BICC1: variants seen among roughly 807,000 people sequenced by gnomAD.
BICC1 encodes BicC family RNA binding protein 1, also known as protein bicaudal C homolog 1.
A neutral mutation model predicts 111.0 loss-of-function variants in BICC1; 43 were observed. The observed-to-expected ratio is 0.39, with a 90% confidence interval of 0.30 to 0.50. BICC1 has a LOEUF of 0.50. Among genes scored for constraint, BICC1 ranks in the 20% least tolerant of loss-of-function variants. The probability of loss-of-function intolerance (pLI) is 0.88; values close to 1 mark genes in which losing one functional copy is unlikely to be tolerated. For missense variants in BICC1, 1,091 were observed against 1,203.2 expected, an observed-to-expected ratio of 0.91 and a Z score of 1.38; for synonymous variants, 467 against 434.4, an observed-to-expected ratio of 1.07 and a Z score of -0.93.
chr10:58,694,214 G>A (rs555902838), intron 2 of BICC1, among the ~76,000 whole-genome samples: 13 of 152,012 alleles, frequency 8.6e-5, no homozygotes, highest in Non-Finnish European at 1.6e-4. Context: ...CACCTTTGTT[G>A]GTCAGTTTCC....
rs1029682588 is a variant in BICC1 at position 58,512,964 on chromosome 10, C to T, written c.-180C>T. Reference sequence around the variant, plus strand: ...GGTGGCGGGTGGCGTGGGCGGCGCCCGGGGCTGGGATGCGCCGGGGGCTCA... The same window carrying T: ...GGTGGCGGGTGGCGTGGGCGGCGCCTGGGGCTGGGATGCGCCGGGGGCTCA... On this transcript the variant is annotated 5_prime_UTR_variant, in exon 1 of 21. Transcript: ENST00000373886. Among the ~76,000 whole-genome samples the T allele has an allele frequency of 4.7e-4, 69 of 147,424 alleles. No homozygotes were observed. The highest frequency in any genetic ancestry group is 1.3e-4 in the Admixed American group (2 of 14,868).
intron 1 of BICC1, among the ~76,000 whole-genome samples, chr10:58,584,327 C>T (rs948723829): frequency 1.3e-5 from 2 of 152,010 alleles, no homozygotes; most frequent in African/African-American, 4.8e-5. Context: ...GTAACCATAC[C>T]CTGTGTTCTG....
chr10:58,662,512 G>A (rs542947561), intron 2 of BICC1, among the ~76,000 whole-genome samples: 1 of 152,246 alleles, frequency 6.6e-6, no homozygotes, highest in Non-Finnish European at 1.5e-5. Flanking sequence ...TTTACAAGAT[G>A]AGTAACACAA....
intron 2 of BICC1, among the ~76,000 whole-genome samples, chr10:58,663,696 G>A (rs993589967): frequency 2.0e-5 from 3 of 152,194 alleles, no homozygotes; most frequent in African/African-American, 7.2e-5. Flanking sequence ...CTGATGATCT[G>A]CGGTGGGACA....
chr10:58,573,977 A>G (rs1044683863), intron 1 of BICC1, among the ~76,000 whole-genome samples: 14 of 152,144 alleles, frequency 9.2e-5, no homozygotes, highest in African/African-American at 2.7e-4. Context: ...AATTTTTAGC[A>G]TCCATTTTGC....
intron 2 of BICC1, among the ~76,000 whole-genome samples, chr10:58,643,489 A>T (rs1161149310): frequency 6.6e-6 from 1 of 152,238 alleles, no homozygotes; most frequent in Non-Finnish European, 1.5e-5. Flanking sequence ...GCTAGGTTGA[A>T]TGATAGAATT....
Position 58,800,169 on chromosome 10 carries a change from A to T in BICC1, c.1726-25A>T, listed in dbSNP as rs1294071888. The T allele has an allele frequency of 5.9e-6, 9 of 1,529,506 alleles. No homozygotes were observed. In the South Asian group the frequency reaches 9.4e-5, roughly 16 times the overall value. 94.7% of individuals were successfully genotyped at this position (1,529,506 alleles called of 1,614,324 possible). On this transcript the variant is annotated intron_variant, in intron 12 of 20. Coordinates refer to ENST00000373886, the MANE Select transcript of BICC1 (RefSeq NM_001080512.3). Reference sequence around the variant, plus strand: ...TCTGTAAAATTGTGACCATATTTATACATTATTTTCTATTATTATTTTAGT... The same window carrying T: ...TCTGTAAAATTGTGACCATATTTATTCATTATTTTCTATTATTATTTTAGT...
intron 15 of BICC1, among the ~76,000 whole-genome samples, chr10:58,805,360 T>G (rs16912616): frequency 0.012 from 1,898 of 152,256 alleles, 45 homozygotes; most frequent in African/African-American, 0.043. Flanking sequence ...TTTGATTAGT[T>G]GTTGTATTCT....
At chr10:58,770,241 A>G (rs1474070321) in intron 3 of BICC1, among the ~76,000 whole-genome samples, 1 of 152,058 alleles carries the variant, frequency 6.6e-6, no homozygotes, top group Non-Finnish European at 1.5e-5. Context: ...TTGATTTTTC[A>G]GGTTTTAGAA....
chr10:58,606,216 A>G (rs968142303), intron 1 of BICC1, among the ~76,000 whole-genome samples: 3 of 152,162 alleles, frequency 2.0e-5, no homozygotes, highest in Non-Finnish European at 4.4e-5. Context: ...AGTTAATTAT[A>G]TAAGGGAAAG....
At position 58,574,267 on chromosome 10, in the gene BICC1, G is replaced by A. The variant is rs540804871; in HGVS notation, c.191-46588G>A. Among the ~76,000 whole-genome samples the A allele has an allele frequency of 2.3e-3, 348 of 152,144 alleles. 3 individuals carry two copies. The highest frequency in any genetic ancestry group is 7.6e-3 in the African/African-American group (317 of 41,510). On this transcript the variant is annotated intron_variant, in intron 1 of 20. Coordinates refer to ENST00000373886, the MANE Select transcript of BICC1 (RefSeq NM_001080512.3). ...GAGAATCAGATTGGGAGATGGATTT[G>A]GACACAAAAATGTTGAAATATAAGG...
At chr10:58,679,171 G>C (rs762829996) in intron 2 of BICC1, among the ~76,000 whole-genome samples, 9 of 152,062 alleles carry the variant, frequency 5.9e-5, no homozygotes, top group Non-Finnish European at 1.3e-4. Context: ...CAAAAGAGAA[G>C]AAATAGCTAA....
chr10:58,631,994 CCTAAG>C (rs10582520), intron 2 of BICC1, among the ~76,000 whole-genome samples: 52,557 of 151,538 alleles, frequency 0.35, 10,003 homozygotes, highest in East Asian at 0.47. Context: ...GGTTCCAGAG[CCTAAG>C]CTTTTCTTGG....
chr10:58,596,058 A>G (rs745742431), intron 1 of BICC1, among the ~76,000 whole-genome samples: 45 of 152,352 alleles, frequency 3.0e-4, no homozygotes, highest in Non-Finnish European at 5.1e-4. Context: ...AATACAAACT[A>G]CTATCAGAGA....
chr10:58,560,835 T>G (rs538000858), intron 1 of BICC1, among the ~76,000 whole-genome samples: 2 of 152,116 alleles, frequency 1.3e-5, no homozygotes, highest in Non-Finnish European at 2.9e-5. Context: ...TTCAGGAACA[T>G]ATTTTCATTT....
intron 1 of BICC1, among the ~76,000 whole-genome samples, chr10:58,611,448 G>T (rs1365596107): frequency 6.6e-6 from 1 of 150,976 alleles, no homozygotes; most frequent in Non-Finnish European, 1.5e-5. Context: ...CAGAATTTAA[G>T]TCATTCTGTA....
At chr10:58,560,914 A>G (rs1843586518) in intron 1 of BICC1, among the ~76,000 whole-genome samples, 1 of 151,866 alleles carries the variant, frequency 6.6e-6, no homozygotes. Context: ...TATGATTTCA[A>G]TTTTTAAAAA....
rs568299150 is a variant in BICC1 at position 58,570,212 on chromosome 10, C to T, written c.191-50643C>T. On this transcript the variant is annotated intron_variant, in intron 1 of 20. Coordinates refer to ENST00000373886, the MANE Select transcript of BICC1 (RefSeq NM_001080512.3). ...ATGAAAGTCAATGAATTTATTTGTT[C>T]TGATGAAGAGCCTTCGTTGGGAAAT... 6.6e-5 allele frequency among the ~76,000 whole-genome samples: 10 copies of T among 152,274 alleles called. No homozygotes were observed. In the South Asian group the frequency reaches 1.7e-3, roughly 25 times the overall value.
At chr10:58,736,360 C>CAAA (rs1349113775) in intron 3 of BICC1, among the ~76,000 whole-genome samples, 2 of 132,516 alleles carry the variant, frequency 1.5e-5, no homozygotes, top group African/African-American at 5.8e-5. Context: ...TTTTGTTTAT[C>CAAA]AAATGTTTCT....
Sources: gnomAD v4.1 joint callset for allele counts (sites outside exome capture counted in the v4.1 genomes callset) on GRCh38, gnomAD v4.1.1 for gene constraint, MANE v1.5 for transcripts, NCBI Gene and HGNC (gene_info 2026-07-23, HGNC 2026-07-21) for gene names.